YY1: variants seen among roughly 807,000 people sequenced by gnomAD.
YY1 encodes transcriptional repressor protein YY1.
In YY1, 2 loss-of-function variants were observed where a neutral mutation model predicts 35.6. The observed-to-expected ratio is 0.06, with a 90% CI of 0.02 to 0.18. The LOEUF is 0.18. Among genes scored for constraint, YY1 ranks in the 10% least tolerant of loss-of-function variants. YY1 has a pLI of 1.00. For missense variants in YY1, 322 were observed against 573.4 expected (o/e 0.56, Z 4.48); for synonymous variants, 268 against 238.9 (o/e 1.12, Z -1.12).
At chr14:100,249,834 C>T (rs999792526) in intron 1 of YY1, among the ~76,000 whole-genome samples, 4 of 150,022 alleles carry the variant, frequency 2.7e-5, no homozygotes, top group South Asian at 2.1e-4. Flanking sequence ...AGTGCAGTGG[C>T]GTGATCTCAG....
chr14:100,259,634 G>T (rs1891053126), intron 1 of YY1, among the ~76,000 whole-genome samples: 1 of 152,184 alleles, frequency 6.6e-6, no homozygotes, highest in Admixed American at 6.5e-5. Context: ...CTGATAAAAT[G>T]AACATGCCCT....
Position 100,258,835 on chromosome 14 carries a change from A to T in YY1, c.680-3469A>T, listed in dbSNP as rs543850132. Among the ~76,000 whole-genome samples, 282 of 152,390 alleles carry T rather than the reference A, an allele frequency of 1.9e-3. 3 individuals carry two copies. The highest frequency in any genetic ancestry group is 0.014 in the Middle Eastern group (4 of 294). Reference sequence around the variant, plus strand: ...AGAGTCATGTAAAGTTTACAATTGTATTCAGTGCTTTTCATTGCTGAGAGT... The same window carrying T: ...AGAGTCATGTAAAGTTTACAATTGTTTTCAGTGCTTTTCATTGCTGAGAGT... On this transcript the variant is annotated intron_variant, in intron 1 of 4. Coordinates refer to ENST00000262238, the MANE Select transcript of YY1 (RefSeq NM_003403.5).
chr14:100,272,121 C>A (rs1426141241), intron 2 of YY1, among the ~76,000 whole-genome samples: 2 of 151,604 alleles, frequency 1.3e-5, no homozygotes, highest in Admixed American at 1.3e-4. Context: ...ATGGTGAAAC[C>A]CCATCTCTAC....
intron 2 of YY1, among the ~76,000 whole-genome samples, chr14:100,266,490 G>T (rs1027301827): frequency 6.6e-6 from 1 of 152,140 alleles, no homozygotes; most frequent in Non-Finnish European, 1.5e-5. Flanking sequence ...CCTCCTTGGA[G>T]CATTGGAGCA....
intron 1 of YY1, among the ~76,000 whole-genome samples, chr14:100,244,319 ACTT>A (rs1566768599): frequency 1.3e-5 from 1 of 76,622 alleles, no homozygotes; most frequent in South Asian, 4.9e-4. Flanking sequence ...TTCCTTTTTT[ACTT>A]TTTTTTTTTT....
chr14:100,241,513 GC>G (rs1890741563), intron 1 of YY1, among the ~76,000 whole-genome samples: 1 of 152,196 alleles, frequency 6.6e-6, no homozygotes, highest in Non-Finnish European at 1.5e-5. Flanking sequence ...GTGCTAACAG[GC>G]GCTGTCCTGC....
intron 2 of YY1, among the ~76,000 whole-genome samples, chr14:100,270,065 A>C (rs1317078274): frequency 2.0e-5 from 3 of 151,652 alleles, no homozygotes; most frequent in Non-Finnish European, 2.9e-5. Context: ...GATCGAGACC[A>C]TCCTGGCTAG....
chr14:100,254,940 A>ATTTTTTTTTTTTTTTTTTTTTTTT (rs35165026), intron 1 of YY1, among the ~76,000 whole-genome samples: 10 of 29,586 alleles, frequency 3.4e-4, no homozygotes, highest in African/African-American at 5.8e-4. Context: ...CGCCCAGCTA[A>ATTTTTTTTTTTTTTTTTTTTTTTT]TTTTTTTTTT....
In YY1 at chr14:100,282,587, TAA is replaced by T. The variant is rs1209726606; in HGVS notation, c.*4988_*4989del. 6.6e-6 allele frequency: 1 copy of T among 152,216 alleles called. No homozygotes were observed. Among genetic ancestry groups the T allele is most frequent in the East Asian group, 1.9e-4 (1 of 5,202 alleles). The allele number at this position is 152,216 out of a possible 1,614,324, so 9.4% of individuals were successfully genotyped here. A position where few individuals can be genotyped will look rare whatever the true frequency, so the allele number is the denominator to read the frequency against. ...TTTCGTCTCATGTACATCTTTTTCT[TAA>T]GTGTTCTTTGCCATTTCTGGAATTG... is the stretch of plus-strand genomic sequence containing the variant. On this transcript the variant is annotated 3_prime_UTR_variant, in exon 5 of 5. Coordinates refer to ENST00000262238, the MANE Select transcript of YY1 (RefSeq NM_003403.5).
intron 2 of YY1, among the ~76,000 whole-genome samples, chr14:100,271,205 C>T (rs1265319722): frequency 6.6e-6 from 1 of 152,010 alleles, no homozygotes; most frequent in Admixed American, 6.5e-5. Context: ...TGAGATTGCG[C>T]CACTGCACTC....
At chr14:100,264,407 C>T (rs1945816310) in intron 2 of YY1, among the ~76,000 whole-genome samples, 1 of 152,100 alleles carries the variant, frequency 6.6e-6, no homozygotes, top group African/African-American at 2.4e-5. Flanking sequence ...GAACTCCTGA[C>T]CTAAAGTGAT....
chr14:100,254,849 T>G lies in YY1; in HGVS notation c.680-7455T>G, dbSNP rs565308266. On this transcript the variant is annotated intron_variant, in intron 1 of 4. Transcript: ENST00000262238. Reference sequence around the variant, plus strand: ...GTGCAGTGGTGTGATCTTGGCTCACTGCAACCTCCGCCTCCTGGGTTCAAG... The same window carrying G: ...GTGCAGTGGTGTGATCTTGGCTCACGGCAACCTCCGCCTCCTGGGTTCAAG... Among the ~76,000 whole-genome samples, 41 of 148,972 alleles carry G rather than the reference T, an allele frequency of 2.8e-4. 1 individual carries two copies. The highest frequency in any genetic ancestry group is 9.9e-4 in the African/African-American group (40 of 40,536).
At position 100,280,714 on chromosome 14, in the gene YY1, A is replaced by G. The variant is rs140677590; in HGVS notation, c.*3114A>G. ...TGCGCAATACCTGTCCGTGTTTCCAAGCAGAGTTCAAGTTCATGTCTTCAC... is the reference window on the plus strand; with the variant it reads ...TGCGCAATACCTGTCCGTGTTTCCAGGCAGAGTTCAAGTTCATGTCTTCAC... On this transcript the variant is annotated 3_prime_UTR_variant, in exon 5 of 5. Coordinates refer to ENST00000262238, the MANE Select transcript of YY1 (RefSeq NM_003403.5). 1,144 of 152,170 alleles carry G rather than the reference A, an allele frequency of 7.5e-3. 12 individuals are homozygous for G. Among genetic ancestry groups the G allele is most frequent in the African/African-American group, 0.026 (1,092 of 41,490 alleles). 9.4% of individuals were successfully genotyped at this position (152,170 alleles called of 1,614,324 possible). A position where few individuals can be genotyped will look rare whatever the true frequency, so the allele number is the denominator to read the frequency against.
intron 2 of YY1, among the ~76,000 whole-genome samples, chr14:100,272,453 G>A (rs141959346): frequency 2.3e-3 from 353 of 152,264 alleles, no homozygotes; most frequent in Middle Eastern, 0.017. Flanking sequence ...TTTAACCAAT[G>A]ATTTCATGTG....
In YY1 at chr14:100,279,192, C is replaced by T. The variant is rs1195568231; in HGVS notation, c.*1592C>T. 2 of 152,222 alleles carry T rather than the reference C, an allele frequency of 1.3e-5. No homozygotes were observed. The highest frequency in any genetic ancestry group is 4.8e-5 in the African/African-American group (2 of 41,446). 9.4% of individuals were successfully genotyped at this position (152,222 alleles called of 1,614,324 possible). ...GAATACTTTATAAACTGCCATGATA[C>T]AGCAAAATCTCATTTATTCAAAGTG... On this transcript the variant is annotated 3_prime_UTR_variant, in exon 5 of 5. Coordinates refer to ENST00000262238, the MANE Select transcript of YY1 (RefSeq NM_003403.5).
chr14:100,262,208 TA>T, intron 1 of YY1, 95 bp from the exon 2 acceptor site: 1 of 1,344,524 alleles, frequency 7.4e-7, no homozygotes, highest in Non-Finnish European at 1.0e-6. Context: ...CTGGTGGCTA[TA>T]AATCACCCCA....
intron 1 of YY1, among the ~76,000 whole-genome samples, chr14:100,249,670 T>G (rs1257947478): frequency 3.3e-5 from 5 of 151,908 alleles, no homozygotes; most frequent in African/African-American, 1.2e-4. Flanking sequence ...AGAGAGAAGG[T>G]GCAGAAGGTT....
intron 2 of YY1, among the ~76,000 whole-genome samples, chr14:100,270,978 G>C (rs1019934135): frequency 1.2e-4 from 19 of 152,166 alleles, no homozygotes; most frequent in Non-Finnish European, 2.5e-4. Context: ...GGGCGCGGTG[G>C]CTCACGCCTG....
intron 1 of YY1, 132 bp downstream of exon 1, chr14:100,240,055 T>TGCGGCGGCGGGGGC (rs1214687019): frequency 1.6e-5 from 10 of 638,670 alleles, no homozygotes; most frequent in East Asian, 1.4e-4. Context: ...TGGCGGGCCG[T>TGCGGCGGCGGGGGC]GCGGCGGCGG....
Sources: allele counts gnomAD v4.1 joint callset (sites outside exome capture counted in the v4.1 genomes callset), GRCh38; gene constraint gnomAD v4.1.1; transcripts MANE v1.5; gene names NCBI Gene and HGNC (gene_info 2026-07-23, HGNC 2026-07-21).